The following CNTN5 variants were observed in gnomAD, a reference collection of about 807,000 sequenced individuals.
CNTN5 encodes contactin-5.
In CNTN5, 77 loss-of-function variants were observed where a neutral mutation model predicts 129.1. That is an observed-to-expected ratio of 0.60 (90% CI 0.50 to 0.72). The LOEUF is 0.72. CNTN5 is among the 30% of genes least tolerant of loss of function. The pLI, the probability that CNTN5 is intolerant of heterozygous loss-of-function variation, is 0.00. For synonymous variants in CNTN5, 509 were observed against 465.6 expected (o/e 1.09, Z -1.20); for missense variants, 1,478 against 1,328.8 (o/e 1.11, Z -1.75).
At chr11:99,087,153 C>T (rs901995148) in intron 1 of CNTN5, among the ~76,000 whole-genome samples, 8 of 152,144 alleles carry the variant, frequency 5.3e-5, no homozygotes, top group African/African-American at 1.9e-4. Flanking sequence ...TTATGCCAAG[C>T]ACATAGATTT....
chr11:99,802,272 C>G (rs943087936), intron 3 of CNTN5, among the ~76,000 whole-genome samples: 78 of 152,100 alleles, frequency 5.1e-4, no homozygotes, highest in African/African-American at 1.8e-3. Flanking sequence ...CTACTTGATC[C>G]TGGTTTATTA....
Position 99,273,921 on chromosome 11 carries a change from A to G in CNTN5, c.-209-51425A>G, listed in dbSNP as rs183477711. Among the ~76,000 whole-genome samples the G allele has an allele frequency of 7.0e-4, 106 of 151,836 alleles. 1 individual carries two copies. In the East Asian group the frequency reaches 0.018, roughly 26 times the overall value. ...ATTGCTTCTTAGGAACTTTTAGGGA[A>G]GAAAAAGATATTACCTTTCAGAACT... On this transcript the variant is annotated intron_variant, in intron 1 of 24. Coordinates refer to ENST00000524871, the MANE Select transcript of CNTN5 (RefSeq NM_014361.4).
chr11:99,546,660 A>G (rs886824319), intron 2 of CNTN5, among the ~76,000 whole-genome samples: 1 of 152,168 alleles, frequency 6.6e-6, no homozygotes, highest in African/African-American at 2.4e-5. Context: ...AAATTTAGTT[A>G]TATGATTATT....
intron 7 of CNTN5, among the ~76,000 whole-genome samples, chr11:99,946,420 A>G (rs976852125): frequency 5.3e-5 from 8 of 152,272 alleles, no homozygotes; most frequent in African/African-American, 1.9e-4. Flanking sequence ...CACAAAACAC[A>G]TCTGAGTGAT....
At chr11:99,596,680 C>T (rs761298919) in intron 3 of CNTN5, among the ~76,000 whole-genome samples, 4 of 151,990 alleles carry the variant, frequency 2.6e-5, no homozygotes, top group African/African-American at 4.8e-5. Context: ...ATATTTGTTC[C>T]GATTGAATTA....
chr11:99,070,499 A>G (rs1865299099), intron 1 of CNTN5, among the ~76,000 whole-genome samples: 1 of 151,052 alleles, frequency 6.6e-6, no homozygotes, highest in South Asian at 2.1e-4. Context: ...GTATTTGGCA[A>G]GCTACCTCCA....
At chr11:99,369,280 A>G (rs867201689) in intron 2 of CNTN5, among the ~76,000 whole-genome samples, 1 of 108,394 alleles carries the variant, frequency 9.2e-6, no homozygotes. Flanking sequence ...TTTCTAAAAT[A>G]TATGCTCTAA....
chr11:99,845,232 C>G lies in CNTN5; in HGVS notation c.547C>G (p.Leu183Val). 6.2e-7 allele frequency: 1 copy of G among 1,612,864 alleles called. No homozygotes were observed. Among genetic ancestry groups the G allele is most frequent in the Non-Finnish European group, 8.5e-7 (1 of 1,179,526 alleles). The change falls in exon 6 of 25, where the codon CTT (leucine) becomes GTT (valine). Residue 183 changes from leucine (L) to valine (V), a missense_variant. By Grantham distance (32) the Leu-to-Val change is conservative. Coordinates refer to ENST00000524871, the MANE Select transcript of CNTN5 (RefSeq NM_014361.4). ...AGCAACCAACACTGTGGGGAGTATT[C>G]TTAGTAGAGAAGCTACACTGCAGTT... The part of the protein sequence containing the change: ...CLATNTVGSI[L>V]SREATLQFAY...
chr11:99,899,848 T>A (rs1949307657), intron 6 of CNTN5, among the ~76,000 whole-genome samples: 1 of 151,996 alleles, frequency 6.6e-6, no homozygotes, highest in South Asian at 2.1e-4. Context: ...GGCTTTGAAT[T>A]CATGTGGTAC....
At chr11:99,137,382 C>T (rs980070462) in intron 1 of CNTN5, among the ~76,000 whole-genome samples, 2 of 152,088 alleles carry the variant, frequency 1.3e-5, no homozygotes, top group Non-Finnish European at 2.9e-5. Context: ...CTCAAATTTG[C>T]GTTGGCCCAT....
At chr11:99,540,143 C>T (rs774712295) in intron 2 of CNTN5, among the ~76,000 whole-genome samples, 5 of 151,936 alleles carry the variant, frequency 3.3e-5, no homozygotes, top group Admixed American at 6.6e-5. Context: ...ATAATATAGA[C>T]AAGATACCTG....
chr11:100,332,304 C>T lies in CNTN5; in HGVS notation c.2731-8159C>T, dbSNP rs183968632. Among the ~76,000 whole-genome samples the T allele has an allele frequency of 1.4e-4, 21 of 151,874 alleles. 1 individual carries two copies. Among genetic ancestry groups the T allele is most frequent in the Admixed American group, 7.9e-4 (12 of 15,254 alleles). ...AACCAAGAAATATAGAACGTCTGAA[C>T]AGACCAATAATGAGCAGCGAGATTA... On this transcript the variant is annotated intron_variant, in intron 21 of 24. Transcript: ENST00000524871.
chr11:100,070,989 G>GTT (rs138334316), intron 11 of CNTN5, among the ~76,000 whole-genome samples: 8 of 147,160 alleles, frequency 5.4e-5, no homozygotes, highest in African/African-American at 1.0e-4. Flanking sequence ...CCAACTAAGA[G>GTT]TTTTTTTTTT....
intron 3 of CNTN5, among the ~76,000 whole-genome samples, chr11:99,741,239 A>G (rs1943879515): frequency 6.6e-6 from 1 of 152,210 alleles, no homozygotes; most frequent in African/African-American, 2.4e-5. Flanking sequence ...CAAAACTTAC[A>G]TAAACCATTA....
chr11:100,291,755 A>T (rs1950979416), intron 18 of CNTN5, among the ~76,000 whole-genome samples: 1 of 37,272 alleles, frequency 2.7e-5, no homozygotes, highest in East Asian at 1.8e-3. Context: ...GTATAATAAT[A>T]AATAAATAAA....
At chr11:100,118,141 ATTTATT>A (rs1416634095) in intron 13 of CNTN5, among the ~76,000 whole-genome samples, 7 of 151,834 alleles carry the variant, frequency 4.6e-5, no homozygotes, top group African/African-American at 9.7e-5. Flanking sequence ...ATAAATATGT[ATTTATT>A]TTTAAGTAAA....
intron 3 of CNTN5, among the ~76,000 whole-genome samples, chr11:99,656,984 G>A (rs1355344328): frequency 1.3e-5 from 2 of 150,914 alleles, no homozygotes; most frequent in East Asian, 1.9e-4. Flanking sequence ...TAAGTTTGTG[G>A]ACCAAAAAGT....
intron 3 of CNTN5, among the ~76,000 whole-genome samples, chr11:99,803,962 TG>T (rs1312640376): frequency 6.6e-6 from 1 of 152,190 alleles, no homozygotes; most frequent in Non-Finnish European, 1.5e-5. Flanking sequence ...TCTACCATCT[TG>T]GGTTTTTAAA....
intron 24 of CNTN5, among the ~76,000 whole-genome samples, chr11:100,354,299 G>C (rs1952478733): frequency 6.6e-6 from 1 of 151,610 alleles, no homozygotes; most frequent in South Asian, 2.1e-4. Context: ...CCTGATGTTA[G>C]TATCTAAAAG....
Sources: gnomAD v4.1 joint callset for allele counts (sites outside exome capture counted in the v4.1 genomes callset) on GRCh38, gnomAD v4.1.1 for gene constraint, MANE v1.5 for transcripts, NCBI Gene and HGNC (gene_info 2026-07-23, HGNC 2026-07-21) for gene names.